FUT9: variants seen among roughly 807,000 people sequenced by gnomAD.
FUT9 encodes fucosyltransferase 9, also known as 4-galactosyl-N-acetylglucosaminide 3-alpha-L-fucosyltransferase 9.
Under a neutral mutation model 29.7 loss-of-function variants are expected in FUT9, and 15 were observed. That is an observed-to-expected ratio of 0.51 (90% confidence interval 0.34 to 0.78). The LOEUF (loss-of-function observed/expected upper bound fraction) is 0.78, where lower values mean the gene tolerates loss of function less well. FUT9 is among the 30% of genes least tolerant of loss of function. FUT9 has a pLI of 0.01. For synonymous variants in FUT9, 169 were observed against 153.7 expected, an observed-to-expected ratio of 1.10 and a Z score of -0.74; for missense variants, 319 against 425.4, an observed-to-expected ratio of 0.75 and a Z score of 2.20.
intron 1 of FUT9, among the ~76,000 whole-genome samples, chr6:96,100,731 T>C (rs1408064685): frequency 6.6e-6 from 1 of 152,180 alleles, no homozygotes. Flanking sequence ...AGTTGTCAGG[T>C]AGTGAGGTAC....
At chr6:96,125,851 A>G (rs1772124011) in intron 2 of FUT9, among the ~76,000 whole-genome samples, 1 of 151,930 alleles carries the variant, frequency 6.6e-6, no homozygotes, top group Admixed American at 6.6e-5. Context: ...GCCTTCGTTT[A>G]TTTTCATTAT....
intron 1 of FUT9, among the ~76,000 whole-genome samples, chr6:96,091,546 GACAA>G: frequency 2.6e-5 from 4 of 152,074 alleles, no homozygotes; most frequent in Non-Finnish European, 4.4e-5. Context: ...TTATGGGTAT[GACAA>G]TGGTATTGCA....
intron 2 of FUT9, among the ~76,000 whole-genome samples, chr6:96,167,681 A>G (rs1773038781): frequency 6.6e-6 from 1 of 152,216 alleles, no homozygotes; most frequent in South Asian, 2.1e-4. Context: ...TAATAAAAAG[A>G]GTAGAGTAAG....
chr6:96,024,999 C>T (rs542601028), intron 1 of FUT9, among the ~76,000 whole-genome samples: 27 of 151,852 alleles, frequency 1.8e-4, no homozygotes, highest in East Asian at 3.9e-4. Context: ...GGCACGAAGG[C>T]GAGATTTAGC....
chr6:96,203,883 C>T lies in FUT9; in HGVS notation c.728C>T (p.Ser243Phe). 6.2e-7 allele frequency: 1 copy of T among 1,611,938 alleles called. No individual in the cohort carries two copies. The highest frequency in any genetic ancestry group is 8.5e-7 in the Non-Finnish European group (1 of 1,178,460). Residue 243 changes from serine (S) to phenylalanine (F), a missense_variant, in exon 3 of 3, where the codon TCC becomes TTC. Physicochemically the swap from Ser to Phe is radical, Grantham distance 155. Transcript: ENST00000302103. ...PTISTCKFYL[S>F]FENSIHKDYI... ...ATATCTACTTGTAAATTTTATCTTT[C>T]CTTTGAAAATTCAATCCACAAGGAT...
rs148403885 is a variant in FUT9, at chr6:96,056,614, G to A, written c.-98+40402G>A. 7.0e-4 allele frequency among the ~76,000 whole-genome samples: 106 copies of A among 152,160 alleles called. 3 individuals are homozygous for A. In the East Asian group the frequency reaches 0.02, roughly 28 times the overall value. ...CAAAATAAGCTCTCAGCTGGGTGTG[G>A]TGGCATGTGCCTGTAGTCCCAGGTA... On this transcript the variant is annotated intron_variant, in intron 1 of 2. Coordinates refer to ENST00000302103, the MANE Select transcript of FUT9 (RefSeq NM_006581.4).
At chr6:96,067,355 G>T (rs1480963020) in intron 1 of FUT9, among the ~76,000 whole-genome samples, 4 of 151,942 alleles carry the variant, frequency 2.6e-5, no homozygotes, top group African/African-American at 9.7e-5. Context: ...GAATATAAAA[G>T]ACCTTGTGTA....
At position 96,204,055 on chromosome 6, in the gene FUT9, G is replaced by C. The variant is rs771443886; in HGVS notation, c.900G>C (p.Lys300Asn). The C allele has an allele frequency of 6.4e-7, 1 of 1,567,866 alleles. No individual in the cohort carries two copies. The highest frequency in any genetic ancestry group is 2.3e-5 in the East Asian group (1 of 44,352). ...ATAACTCTCCCAGTGAGCTAGCAAA[G>C]TATCTGAAGGAAGTCGACAAAAACA... ...EDYNSPSELA[K>N]YLKEVDKNNK... The change falls in exon 3 of 3, where the codon AAG becomes AAC. Residue 300 changes from lysine (K) to asparagine (N), a missense_variant. Physicochemically the swap from Lys to Asn is moderately conservative, Grantham distance 94 (BLOSUM62 0). Transcript: ENST00000302103.
At chr6:96,037,686 AT>A (rs11333733) in intron 1 of FUT9, among the ~76,000 whole-genome samples, 45,214 of 142,310 alleles carry the variant, frequency 0.32, 7,641 homozygotes, top group East Asian at 0.62. Context: ...TGAAAAAAAA[AT>A]TTTTTTGAAT....
intron 1 of FUT9, among the ~76,000 whole-genome samples, chr6:96,065,122 A>G (rs957214906): frequency 6.6e-6 from 1 of 152,156 alleles, no homozygotes; most frequent in Non-Finnish European, 1.5e-5. Context: ...TGGAAGAGTT[A>G]CTAGTGTCAC....
rs1773986054 is a variant in FUT9 at position 96,213,912 on chromosome 6, A to G, written c.*9677A>G. The G allele has an allele frequency of 6.0e-6, 1 of 166,950 alleles. No homozygotes were observed. The highest frequency in any genetic ancestry group is 1.5e-5 in the Non-Finnish European group (1 of 68,020). The allele number at this position is 166,950 out of a possible 1,614,324, so 10.3% of individuals were successfully genotyped here. A position where few individuals can be genotyped will look rare whatever the true frequency, so the allele number is the denominator to read the frequency against. On this transcript the variant is annotated 3_prime_UTR_variant, in exon 3 of 3. Transcript: ENST00000302103. ...TATATTAGGTGAAAAATTGCATGCA[A>G]TTGGTGAATCATGCAGCTTTGGGGA... is the stretch of plus-strand genomic sequence containing the variant.
intron 1 of FUT9, among the ~76,000 whole-genome samples, chr6:96,100,031 GT>G (rs767506056): frequency 2.6e-5 from 4 of 152,044 alleles, no homozygotes; most frequent in Non-Finnish European, 5.9e-5. Flanking sequence ...CGATTTGTTT[GT>G]GATCCAGTAC....
chr6:96,182,924 C>T (rs901038669), intron 2 of FUT9, among the ~76,000 whole-genome samples: 2 of 151,902 alleles, frequency 1.3e-5, no homozygotes, highest in Admixed American at 1.3e-4. Flanking sequence ...GCTATGCAGA[C>T]TCTTTTTTGG....
At chr6:96,036,708 A>G (rs1483116467) in intron 1 of FUT9, 1 of 151,928 alleles carries the variant, frequency 6.6e-6, no homozygotes, top group Non-Finnish European at 1.5e-5. Context: ...CCAGATTAAA[A>G]ACCATTGCTG....
chr6:96,165,292 G>A (rs1437336828), intron 2 of FUT9, among the ~76,000 whole-genome samples: 1 of 151,778 alleles, frequency 6.6e-6, no homozygotes, highest in African/African-American at 2.4e-5. Context: ...TTAGCCGGTC[G>A]TGATGGTGGG....
chr6:96,199,821 C>A (rs767034023), intron 2 of FUT9, among the ~76,000 whole-genome samples: 43 of 152,108 alleles, frequency 2.8e-4, no homozygotes, highest in Non-Finnish European at 5.7e-4. Flanking sequence ...TGAGATGCAG[C>A]AATTCACCCA....
chr6:96,164,948 C>T (rs1772986238), intron 2 of FUT9, among the ~76,000 whole-genome samples: 1 of 152,190 alleles, frequency 6.6e-6, no homozygotes, highest in African/African-American at 2.4e-5. Flanking sequence ...TCTGTATGAA[C>T]ATTTCCATCA....
chr6:96,189,308 G>A (rs886984578), intron 2 of FUT9, among the ~76,000 whole-genome samples: 2 of 152,082 alleles, frequency 1.3e-5, no homozygotes, highest in Non-Finnish European at 2.9e-5. Context: ...TGAGACTGGT[G>A]ACAAAAGCTG....
intron 2 of FUT9, among the ~76,000 whole-genome samples, chr6:96,149,072 C>T (rs922472610): frequency 2.6e-5 from 4 of 151,816 alleles, no homozygotes; most frequent in East Asian, 3.9e-4. Flanking sequence ...AGGAGAACTG[C>T]TTGAACTCGG....
Sources: allele counts gnomAD v4.1 joint callset (sites outside exome capture counted in the v4.1 genomes callset), GRCh38; gene constraint gnomAD v4.1.1; transcripts MANE v1.5; gene names NCBI Gene and HGNC (gene_info 2026-07-23, HGNC 2026-07-21).